MGST1: variants seen among roughly 807,000 people sequenced by gnomAD.
MGST1 encodes glutathione S-transferase 12.
In MGST1, 5 loss-of-function variants were observed where a neutral mutation model predicts 8.9. The ratio of observed to expected loss-of-function variants is 0.56; its 90% confidence interval spans 0.29 to 1.19. The LOEUF (loss-of-function observed/expected upper bound fraction) is 1.19, where lower values mean the gene tolerates loss of function less well. Ranked by LOEUF, MGST1 falls within the 50% of genes most tolerant of loss-of-function variation. The pLI, the probability that MGST1 is intolerant of heterozygous loss-of-function variation, is 0.08. For synonymous variants in MGST1, 54 were observed against 67.8 expected, an observed-to-expected ratio of 0.80 and a Z score of 1.00; for missense variants, 182 against 187.4, an observed-to-expected ratio of 0.97 and a Z score of 0.17.
chr12:16,547,215 T>G lies in MGST1; in HGVS notation n.483-42313T>G, dbSNP rs2137220480. ...AATTACCTACAGGCATGTGTTAAACTTGACACTGGTTTCAGCCAAATAATG... is the reference window on the plus strand; with the variant it reads ...AATTACCTACAGGCATGTGTTAAACGTGACACTGGTTTCAGCCAAATAATG... On this transcript the variant is annotated intron_variant and non_coding_transcript_variant, in intron 4 of 4. Coordinates refer to the MGST1 transcript ENST00000538857. The surrounding 1 kb of genome is among the most constrained non-coding windows in gnomAD (Gnocchi z 4.6). 6.6e-6 allele frequency among the ~76,000 whole-genome samples: 1 copy of G among 152,232 alleles called. No homozygotes were observed.
intron 4 of MGST1, among the ~76,000 whole-genome samples, chr12:16,451,439 TA>T (rs1292042522): frequency 1.3e-5 from 2 of 151,822 alleles, no homozygotes; most frequent in Admixed American, 6.6e-5. Flanking sequence ...TATTTCAAAA[TA>T]AAAGGAATTC....
downstream of MGST1, among the ~76,000 whole-genome samples, chr12:16,365,025 T>C (rs9332949): frequency 0.1 from 15,307 of 152,190 alleles, 814 homozygotes; most frequent in East Asian, 0.16. Flanking sequence ...CTATAAAACA[T>C]CAACAGGCAT....
chr12:16,586,917 T>G lies in MGST1; in HGVS notation n.483-2611T>G, dbSNP rs1285210301. ...CATCTAAATTCATGGAATTCTCCCC[T>G]CTAATAATAGAGTCATGTGATAGCT... On this transcript the variant is annotated intron_variant and non_coding_transcript_variant, in intron 4 of 4. Transcript: ENST00000538857. This position sits in a 1 kb window ranked among gnomAD's most constrained non-coding sequence, Gnocchi z 4.3. Among the ~76,000 whole-genome samples the G allele has an allele frequency of 6.6e-6, 1 of 152,200 alleles. No homozygotes were observed. The highest frequency in any genetic ancestry group is 1.5e-5 in the Non-Finnish European group (1 of 68,034).
chr12:16,582,744 G>A lies in MGST1; in HGVS notation n.483-6784G>A, dbSNP rs770729533. Among the ~76,000 whole-genome samples the A allele has an allele frequency of 6.6e-6, 1 of 152,062 alleles. No individual in the cohort carries two copies. The highest frequency in any genetic ancestry group is 6.6e-5 in the Admixed American group (1 of 15,256). On this transcript the variant is annotated intron_variant and non_coding_transcript_variant, in intron 4 of 4. Coordinates refer to the MGST1 transcript ENST00000538857. The surrounding 1 kb of genome is among the most constrained non-coding windows in gnomAD (Gnocchi z 4.1). ...TTTAAGTATCTGATTGGGATGAGAC[G>A]CCCAGAAAAGAATCAGAACTAGGCC... is the stretch of plus-strand genomic sequence containing the variant.
intron 4 of MGST1, among the ~76,000 whole-genome samples, chr12:16,496,385 C>T (rs535747364): frequency 6.7e-4 from 102 of 152,188 alleles, no homozygotes; most frequent in African/African-American, 2.3e-3. Context: ...TAAAATATAA[C>T]GCTGGGTGCG....
In MGST1 at chr12:16,565,982, CCATATATATATA is replaced by C. The variant is rs1565488143; in HGVS notation, n.483-23545_483-23534del. Among the ~76,000 whole-genome samples the C allele has an allele frequency of 1.4e-4, 6 of 44,320 alleles. 1 individual carries two copies. In the South Asian group the frequency reaches 3.1e-3, roughly 23 times the overall value. The allele number at this position is 44,320 out of a possible 152,430, so 29.1% of individuals were successfully genotyped here. ...TGGATGAATGGATGAAGAAAATGTG[CCATATATATATA>C]TATATATATATATATATATATATAT... On this transcript the variant is annotated intron_variant and non_coding_transcript_variant, in intron 4 of 4. Transcript: ENST00000538857.
intron 4 of MGST1, among the ~76,000 whole-genome samples, chr12:16,509,452 C>T (rs1941562031): frequency 6.6e-6 from 1 of 152,136 alleles, no homozygotes. Flanking sequence ...AGACATTCAG[C>T]TACAAGAAGA....
intron 4 of MGST1, among the ~76,000 whole-genome samples, chr12:16,473,896 A>T (rs907047096): frequency 6.6e-6 from 1 of 152,196 alleles, no homozygotes; most frequent in Non-Finnish European, 1.5e-5. Flanking sequence ...AAACAAATAA[A>T]TAAAAATTTA....
rs4149197 is a variant in MGST1 at position 16,360,227 on chromosome 12, G to C, written c.221+2528G>C. On this transcript the variant is annotated intron_variant, in intron 3 of 3. Coordinates refer to ENST00000396210, the MANE Select transcript of MGST1 (RefSeq NM_020300.5). ...CACACTTTTGGAGACACTTTTCAGA[G>C]AGAGCGTTTCCAGCATCTTCCCTTT... is the stretch of plus-strand genomic sequence containing the variant. 310,459 of 475,272 alleles carry C rather than the reference G, an allele frequency of 0.65. 103,879 individuals carry two copies. Among genetic ancestry groups the C allele is most frequent in the Non-Finnish European group, 0.69 (252,120 of 363,840 alleles). 29.4% of individuals were successfully genotyped at this position (475,272 alleles called of 1,614,324 possible). A position where few individuals can be genotyped will look rare whatever the true frequency, so the allele number is the denominator to read the frequency against.
In MGST1 at chr12:16,364,376, T is replaced by C. The variant is rs1940144523; in HGVS notation, c.*335T>C. 1 of 1,000,716 alleles carries C rather than the reference T, an allele frequency of 1.0e-6. No homozygotes were observed. The highest frequency in any genetic ancestry group is 1.2e-6 in the Non-Finnish European group (1 of 837,794). 62.0% of individuals were successfully genotyped at this position (1,000,716 alleles called of 1,614,324 possible). A position where few individuals can be genotyped will look rare whatever the true frequency, so the allele number is the denominator to read the frequency against. On this transcript the variant is annotated 3_prime_UTR_variant, in exon 4 of 4. Coordinates refer to ENST00000396210, the MANE Select transcript of MGST1 (RefSeq NM_020300.5). This position sits in a 1 kb window ranked among gnomAD's most constrained non-coding sequence, Gnocchi z 5.7. ...TGAGAAACCTATATTTCAATACTGC[T>C]GAAACAGACATGAAATAAAGAATTT...
chr12:16,361,276 A>T lies in MGST1; in HGVS notation c.222-2519A>T, dbSNP rs374461571. Among the ~76,000 whole-genome samples, 2 of 152,284 alleles carry T rather than the reference A, an allele frequency of 1.3e-5. No individual in the cohort carries two copies. The highest frequency in any genetic ancestry group is 1.9e-4 in the East Asian group (1 of 5,172). On this transcript the variant is annotated intron_variant, in intron 3 of 3. Transcript: ENST00000396210. This position sits in a 1 kb window ranked among gnomAD's most constrained non-coding sequence, Gnocchi z 4.2. Reference sequence around the variant, plus strand: ...TGTTCACAGCCTGACAATCCCCAGAAGCATGTAGCAATGGCAGTCCAGGTC... The same window carrying T: ...TGTTCACAGCCTGACAATCCCCAGATGCATGTAGCAATGGCAGTCCAGGTC...
intron 4 of MGST1, among the ~76,000 whole-genome samples, chr12:16,474,025 G>T (rs965527911): frequency 4.6e-5 from 7 of 152,122 alleles, no homozygotes; most frequent in African/African-American, 1.2e-4. Context: ...GTCTAACCAG[G>T]GTATTCTATG....
intron 1 of MGST1, among the ~76,000 whole-genome samples, chr12:16,396,242 A>G (rs1454303246): frequency 6.6e-6 from 1 of 152,112 alleles, no homozygotes; most frequent in Non-Finnish European, 1.5e-5. Context: ...GCATCCCTCT[A>G]TGATTAAAAC....
chr12:16,403,742 G>A (rs1438713656), intron 1 of MGST1, among the ~76,000 whole-genome samples: 1 of 152,118 alleles, frequency 6.6e-6, no homozygotes, highest in Non-Finnish European at 1.5e-5. Flanking sequence ...ATGGCAGAAG[G>A]TGAAGGGGAA....
chr12:16,369,076 G>A, downstream of MGST1, among the ~76,000 whole-genome samples: 1 of 151,986 alleles, frequency 6.6e-6, no homozygotes, highest in East Asian at 1.9e-4. The surrounding 1 kb of genome is among the most constrained non-coding windows in gnomAD (Gnocchi z 4.8). Flanking sequence ...TATCTTTATA[G>A]AAGCAAAACC....
intron 1 of MGST1, among the ~76,000 whole-genome samples, chr12:16,386,883 C>T (rs1940508296): frequency 6.6e-6 from 1 of 152,332 alleles, no homozygotes; most frequent in South Asian, 2.1e-4. Flanking sequence ...ATCTTTTTAT[C>T]AAGCGTCTCT....
At chr12:16,431,324 G>T (rs536917351) in intron 1 of MGST1, among the ~76,000 whole-genome samples, 42 of 152,210 alleles carry the variant, frequency 2.8e-4, no homozygotes, top group African/African-American at 1.0e-3. Context: ...TTTCCTTCAA[G>T]AACTTTTCGT....
downstream of MGST1, chr12:16,364,497 C>T: frequency 1.6e-6 from 1 of 606,378 alleles, no homozygotes; most frequent in Non-Finnish European, 2.1e-6. The surrounding 1 kb of genome is among the most constrained non-coding windows in gnomAD (Gnocchi z 5.7). Flanking sequence ...AAGAACCACT[C>T]TGTACCCTGC....
intron 1 of MGST1, among the ~76,000 whole-genome samples, chr12:16,429,963 G>A (rs1224057202): frequency 6.6e-6 from 1 of 152,128 alleles, no homozygotes; most frequent in African/African-American, 2.4e-5. Context: ...ACCTGCAGTA[G>A]AACTTTAAAA....
Sources: gnomAD v4.1 joint callset for allele counts (sites outside exome capture counted in the v4.1 genomes callset) on GRCh38, gnomAD v4.1.1 for gene constraint, Gnocchi (gnomAD v3.1) non-coding constraint, MANE v1.5 for transcripts, NCBI Gene and HGNC (gene_info 2026-07-23, HGNC 2026-07-21) for gene names.